Variants in BMERB1 observed in about 807,000 individuals in gnomAD.
The protein encoded by BMERB1 is bMERB domain-containing protein 1.
BMERB1 carries 12 observed loss-of-function variants against 23.6 expected under a neutral mutation model. That is an observed-to-expected ratio of 0.51 (90% CI 0.33 to 0.82). The LOEUF (loss-of-function observed/expected upper bound fraction) is 0.82, where lower values mean the gene tolerates loss of function less well. Ranked by LOEUF, BMERB1 falls within the 40% of genes least tolerant of loss-of-function variation. BMERB1 has a pLI of 0.03. For synonymous variants in BMERB1, 122 were observed against 96.6 expected (o/e 1.26, Z -1.54); for missense variants, 247 against 255.4 (o/e 0.97, Z 0.22).
intron 2 of BMERB1, among the ~76,000 whole-genome samples, chr16:15,566,570 G>T (rs2030570406): frequency 1.3e-5 from 2 of 152,262 alleles, no homozygotes; most frequent in South Asian, 4.1e-4. Context: ...GGAGGCTGAA[G>T]CCAGAGAATC....
chr16:15,512,472 G>A (rs1232217356), intron 1 of BMERB1, among the ~76,000 whole-genome samples: 1 of 152,102 alleles, frequency 6.6e-6, no homozygotes, highest in Non-Finnish European at 1.5e-5. Context: ...TGGGCACAGT[G>A]ACTCACACCT....
intron 1 of BMERB1, among the ~76,000 whole-genome samples, chr16:15,486,151 G>A (rs2051366411): frequency 6.8e-6 from 1 of 146,570 alleles, no homozygotes. Flanking sequence ...GCAGTGAGCC[G>A]AGATCGTGCC....
chr16:15,572,295 C>T (rs1367805306), intron 3 of BMERB1, among the ~76,000 whole-genome samples: 1 of 152,202 alleles, frequency 6.6e-6, no homozygotes. Flanking sequence ...GTGTAGGAGT[C>T]TTCCACACAG....
At chr16:15,583,850 G>A (rs542194863) in intron 5 of BMERB1, among the ~76,000 whole-genome samples, 4 of 152,294 alleles carry the variant, frequency 2.6e-5, no homozygotes, top group South Asian at 2.1e-4. Flanking sequence ...TTGTTAATAC[G>A]TTTGGAACAT....
chr16:15,509,352 A>C (rs1016610311), intron 1 of BMERB1, among the ~76,000 whole-genome samples: 6 of 149,172 alleles, frequency 4.0e-5, no homozygotes, highest in African/African-American at 1.3e-4. Flanking sequence ...GGAGAGAGAG[A>C]GCACAAGCTG....
At chr16:15,489,715 G>C (rs576254102) in intron 1 of BMERB1, among the ~76,000 whole-genome samples, 1 of 152,066 alleles carries the variant, frequency 6.6e-6, no homozygotes, top group Admixed American at 6.6e-5. Flanking sequence ...TTCCAGGCTC[G>C]AGGGGACTGT....
chr16:15,576,137 CAAGTG>C (rs1274713970), intron 3 of BMERB1, among the ~76,000 whole-genome samples: 5 of 150,810 alleles, frequency 3.3e-5, no homozygotes, highest in African/African-American at 9.8e-5. Flanking sequence ...CTCCGGGGTT[CAAGTG>C]AAGTGATTCT....
intron 2 of BMERB1, among the ~76,000 whole-genome samples, chr16:15,555,804 C>T (rs189849544): frequency 6.6e-6 from 1 of 152,136 alleles, no homozygotes; most frequent in South Asian, 2.1e-4. Flanking sequence ...CCAGGGATAG[C>T]GTTTAAGCTC....
At chr16:15,439,303 T>C (rs2050917042) in intron 1 of BMERB1, among the ~76,000 whole-genome samples, 1 of 152,320 alleles carries the variant, frequency 6.6e-6, no homozygotes, top group Non-Finnish European at 1.5e-5. Context: ...TTGCCTCATC[T>C]GTGAAATGGG....
intron 1 of BMERB1, among the ~76,000 whole-genome samples, chr16:15,501,016 A>G (rs989452092): frequency 1.3e-5 from 2 of 152,208 alleles, no homozygotes; most frequent in African/African-American, 4.8e-5. Context: ...TACTCCCTCC[A>G]AAAAGGATAT....
At chr16:15,560,058 C>T (rs537069078) in intron 2 of BMERB1, among the ~76,000 whole-genome samples, 81 of 152,266 alleles carry the variant, frequency 5.3e-4, no homozygotes, top group Non-Finnish European at 1.0e-3. Flanking sequence ...GATGGTCCTC[C>T]TTTAGCGGAA....
intron 1 of BMERB1, among the ~76,000 whole-genome samples, chr16:15,453,029 G>A (rs2051055134): frequency 6.6e-6 from 1 of 152,084 alleles, no homozygotes; most frequent in African/African-American, 2.4e-5. Flanking sequence ...AAAAATAGCT[G>A]GGCGTGGTGG....
At chr16:15,467,279 A>G (rs750476560) in intron 1 of BMERB1, among the ~76,000 whole-genome samples, 16 of 152,218 alleles carry the variant, frequency 1.1e-4, no homozygotes, top group Non-Finnish European at 1.9e-4. Context: ...TATTTTCTAG[A>G]GTGGTTGTAC....
chr16:15,463,269 A>ATATATATTTTTTTTTTTTTTTTTTTTTTT (rs1180090455), intron 1 of BMERB1, among the ~76,000 whole-genome samples: 1 of 148,530 alleles, frequency 6.7e-6, no homozygotes, highest in African/African-American at 2.6e-5. Context: ...ATATATATAT[A>ATATATATTTTTTTTTTTTTTTTTTTTTTT]TTTTGTAGAG....
intron 1 of BMERB1, among the ~76,000 whole-genome samples, chr16:15,472,865 T>TC (rs2051241918): frequency 6.6e-6 from 1 of 151,090 alleles, no homozygotes; most frequent in Non-Finnish European, 1.5e-5. Context: ...TCCATCTTTT[T>TC]TTTTTTTTTT....
chr16:15,581,701 C>T (rs1052062586), intron 4 of BMERB1, among the ~76,000 whole-genome samples: 19 of 152,206 alleles, frequency 1.2e-4, no homozygotes, highest in Non-Finnish European at 2.1e-4. Flanking sequence ...TGCTCCCAAC[C>T]TCTGTCCTCC....
At chr16:15,454,901 G>A (rs1017181651) in intron 1 of BMERB1, among the ~76,000 whole-genome samples, 1 of 152,104 alleles carries the variant, frequency 6.6e-6, no homozygotes, top group Non-Finnish European at 1.5e-5. Flanking sequence ...GACCTCCTTT[G>A]AACATAGCAA....
chr16:15,494,350 C>G (rs2051452718), intron 1 of BMERB1, among the ~76,000 whole-genome samples: 1 of 152,002 alleles, frequency 6.6e-6, no homozygotes, highest in African/African-American at 2.4e-5. Context: ...AGCCCTTCTG[C>G]TTGTCATTGG....
intron 2 of BMERB1, among the ~76,000 whole-genome samples, chr16:15,543,034 G>A (rs2052101069): frequency 6.6e-6 from 1 of 152,138 alleles, no homozygotes; most frequent in Non-Finnish European, 1.5e-5. Flanking sequence ...TTCTTGTCTG[G>A]TGTCCAGGAA....
Sources: allele counts gnomAD v4.1 joint callset (sites outside exome capture counted in the v4.1 genomes callset), GRCh38; gene constraint gnomAD v4.1.1; transcripts MANE v1.5; gene names NCBI Gene and HGNC (gene_info 2026-07-23, HGNC 2026-07-21).